The following GAD2 variants were observed in gnomAD, a reference collection of about 807,000 sequenced individuals.
GAD2 encodes 65 kDa glutamic acid decarboxylase.
In GAD2, 22 loss-of-function variants were observed where a neutral mutation model predicts 80.1. The observed-to-expected ratio is 0.27, with a 90% CI of 0.20 to 0.39. The LOEUF (loss-of-function observed/expected upper bound fraction) is 0.39, where lower values mean the gene tolerates loss of function less well. Among genes scored for constraint, GAD2 ranks in the 10% least tolerant of loss-of-function variants. The probability of loss-of-function intolerance (pLI) is 1.00; values close to 1 mark genes in which losing one functional copy is unlikely to be tolerated. For missense variants in GAD2, 624 were observed against 738.4 expected (o/e 0.85, Z 1.80); for synonymous variants, 274 against 256.9 (o/e 1.07, Z -0.64).
chr10:26,297,624 A>G (rs1834288566), intron 15 of GAD2, among the ~76,000 whole-genome samples: 1 of 152,228 alleles, frequency 6.6e-6, no homozygotes, highest in Non-Finnish European at 1.5e-5. Context: ...AAAGTACAAA[A>G]GCCTAGAAAT....
chr10:26,237,328 G>A (rs1455826004), intron 7 of GAD2, among the ~76,000 whole-genome samples: 1 of 152,160 alleles, frequency 6.6e-6, no homozygotes, highest in Non-Finnish European at 1.5e-5. Flanking sequence ...ATGAAATGGT[G>A]ACAGGCCCTG....
At chr10:26,236,628 T>C (rs1844676025) in intron 7 of GAD2, among the ~76,000 whole-genome samples, 1 of 152,214 alleles carries the variant, frequency 6.6e-6, no homozygotes, top group African/African-American at 2.4e-5. Context: ...GTATCATTAT[T>C]GGAGAGGTTT....
At chr10:26,275,749 C>T (rs543437248) in intron 11 of GAD2, among the ~76,000 whole-genome samples, 3 of 152,282 alleles carry the variant, frequency 2.0e-5, no homozygotes, top group South Asian at 2.1e-4. Flanking sequence ...TTCCAAGCTC[C>T]GCAAACCAAA....
intron 15 of GAD2, among the ~76,000 whole-genome samples, chr10:26,296,318 G>A (rs887545583): frequency 2.6e-5 from 4 of 152,150 alleles, no homozygotes; most frequent in Admixed American, 6.6e-5. Context: ...AATACCTTAG[G>A]CATATTCCAG....
intron 6 of GAD2, among the ~76,000 whole-genome samples, chr10:26,228,679 C>T (rs1403750208): frequency 1.3e-5 from 2 of 152,156 alleles, no homozygotes; most frequent in Admixed American, 6.5e-5. Context: ...CTCATAGGAG[C>T]GTGAACCCTA....
intron 7 of GAD2, among the ~76,000 whole-genome samples, chr10:26,231,348 A>T (rs761920376): frequency 6.6e-6 from 1 of 152,092 alleles, no homozygotes. Flanking sequence ...TAAGTGAGGT[A>T]TGTGTATCTA....
chr10:26,260,153 C>T (rs542414902), intron 8 of GAD2, among the ~76,000 whole-genome samples: 1 of 152,220 alleles, frequency 6.6e-6, no homozygotes, highest in African/African-American at 2.4e-5. Flanking sequence ...GGACGACTTG[C>T]ATGCCTTAGA....
At chr10:26,284,360 C>T (rs1378071394) in intron 12 of GAD2, among the ~76,000 whole-genome samples, 1 of 152,078 alleles carries the variant, frequency 6.6e-6, no homozygotes, top group Non-Finnish European at 1.5e-5. Flanking sequence ...TATCGAGTTT[C>T]CTAAATTTAT....
At chr10:26,293,231 G>A (rs778030522) in intron 15 of GAD2, among the ~76,000 whole-genome samples, 6 of 133,146 alleles carry the variant, frequency 4.5e-5, no homozygotes, top group Non-Finnish European at 9.2e-5. Flanking sequence ...AGGTTGCAGT[G>A]CAGTGGCGTG....
At chr10:26,292,406 G>A in intron 13 of GAD2, 59 bp from the exon 14 acceptor site, 1 of 1,261,856 alleles carries the variant, frequency 7.9e-7, no homozygotes, top group Non-Finnish European at 1.2e-6. Context: ...AGTCTCCAGG[G>A]AAATCGCTTC....
chr10:26,217,044 T>C lies in GAD2; in HGVS notation c.76+159T>C, dbSNP rs1844381371. Among the ~76,000 whole-genome samples, 1 of 152,030 alleles carries C rather than the reference T, an allele frequency of 6.6e-6. No homozygotes were observed. The highest frequency in any genetic ancestry group is 6.6e-5 in the Admixed American group (1 of 15,266). On this transcript the variant is annotated intron_variant, in intron 1 of 15. Coordinates refer to ENST00000376261, the MANE Select transcript of GAD2 (RefSeq NM_001134366.2). The surrounding 1 kb of genome is among the most constrained non-coding windows in gnomAD (Gnocchi z 4.9). Reference sequence around the variant, plus strand: ...GCTAAGTCCTTGACGGCCCAAGAGCTCAAGACCTCTACAGCCTCTTGTACC... The same window carrying C: ...GCTAAGTCCTTGACGGCCCAAGAGCCCAAGACCTCTACAGCCTCTTGTACC...
chr10:26,287,274 A>G (rs1033283466), intron 13 of GAD2, among the ~76,000 whole-genome samples: 4 of 152,210 alleles, frequency 2.6e-5, no homozygotes, highest in Non-Finnish European at 4.4e-5. Context: ...AGCCAGCTGT[A>G]TATACTATAG....
chr10:26,271,318 T>C (rs1488002265), intron 10 of GAD2, among the ~76,000 whole-genome samples: 2 of 152,170 alleles, frequency 1.3e-5, no homozygotes, highest in East Asian at 3.9e-4. Context: ...ACGTTTTGAC[T>C]TCAGGCCTTG....
chr10:26,277,782 GC>G (rs1054767757), intron 11 of GAD2, among the ~76,000 whole-genome samples: 2 of 152,124 alleles, frequency 1.3e-5, no homozygotes, highest in African/African-American at 4.8e-5. Flanking sequence ...GGAAAATGGT[GC>G]CAGGAACACA....
At chr10:26,256,214 A>G (rs1844940781) in intron 8 of GAD2, among the ~76,000 whole-genome samples, 1 of 151,954 alleles carries the variant, frequency 6.6e-6, no homozygotes, top group Non-Finnish European at 1.5e-5. Flanking sequence ...GTAATATTGT[A>G]TGTATTAATT....
At chr10:26,264,312 C>CT (rs373732623) in intron 8 of GAD2, among the ~76,000 whole-genome samples, 2,749 of 129,722 alleles carry the variant, frequency 0.021, 81 homozygotes, top group African/African-American at 0.05. Flanking sequence ...AGATTTCAAG[C>CT]TTTTTTTTTT....
intron 13 of GAD2, among the ~76,000 whole-genome samples, chr10:26,289,028 C>T (rs754034779): frequency 3.3e-5 from 5 of 152,198 alleles, no homozygotes; most frequent in African/African-American, 7.2e-5. Context: ...AGTATCTAGA[C>T]ATCTAGCCGC....
At position 26,281,104 on chromosome 10, in the gene GAD2, T is replaced by C. The variant is rs746064933; in HGVS notation, c.1236+17T>C. 6.3e-7 allele frequency: 1 copy of C among 1,586,842 alleles called. No individual in the cohort carries two copies. The highest frequency in any genetic ancestry group is 8.7e-7 in the Non-Finnish European group (1 of 1,155,618). On this transcript the variant is annotated intron_variant, in intron 12 of 15. Coordinates refer to ENST00000376261, the MANE Select transcript of GAD2 (RefSeq NM_001134366.2). ...AGAGAAGAGGTATGTCTCTCTTGAC[T>C]CTGTGTCCCAGTCCGTGCGTGGGCT...
intron 10 of GAD2, 95 bp from the exon 11 acceptor site, chr10:26,273,541 G>A: frequency 9.9e-7 from 1 of 1,012,998 alleles, no homozygotes; most frequent in Non-Finnish European, 1.5e-6. Flanking sequence ...TAAGTGGCCT[G>A]GGGTCAAGAT....
Sources: allele counts gnomAD v4.1 joint callset (sites outside exome capture counted in the v4.1 genomes callset), GRCh38; gene constraint gnomAD v4.1.1; non-coding constraint Gnocchi (gnomAD v3.1); transcripts MANE v1.5; gene names NCBI Gene and HGNC (gene_info 2026-07-23, HGNC 2026-07-21).